Variants in TLR2 observed in about 807,000 individuals in gnomAD.
The protein encoded by TLR2 is toll-like receptor 2.
In TLR2, 7 loss-of-function variants were observed where a neutral mutation model predicts 9.1. That is an observed-to-expected ratio of 0.77 (90% CI 0.44 to 1.44). The LOEUF (loss-of-function observed/expected upper bound fraction) is 1.44, where lower values mean the gene tolerates loss of function less well. Ranked by LOEUF, TLR2 falls within the 40% of genes most tolerant of loss-of-function variation. The probability of loss-of-function intolerance (pLI) is 0.01; values close to 1 mark genes in which losing one functional copy is unlikely to be tolerated. For synonymous variants in TLR2, 317 were observed against 344.6 expected (o/e 0.92, Z 0.89); for missense variants, 812 against 904.6 (o/e 0.90, Z 1.31).
At chr4:153,702,760 C>CTT (rs1491160128) in intron 2 of TLR2, 132 bp from the exon 3 acceptor site, 2 of 392,530 alleles carry the variant, frequency 5.1e-6, no homozygotes, top group African/African-American at 2.7e-5. Flanking sequence ...CTCTCTCTCT[C>CTT]TTTGTGTGTG....
chr4:153,699,094 A>G (rs1736705850), intron 2 of TLR2, among the ~76,000 whole-genome samples: 1 of 152,204 alleles, frequency 6.6e-6, no homozygotes, highest in African/African-American at 2.4e-5. Context: ...GCCTCCATTG[A>G]TGATAATTAA....
chr4:153,703,361 C>G lies in TLR2; in HGVS notation c.454C>G (p.Gln152Glu). 6.2e-7 allele frequency: 1 copy of G among 1,613,962 alleles called. No homozygotes were observed. The highest frequency in any genetic ancestry group is 8.5e-7 in the Non-Finnish European group (1 of 1,180,002). Residue 152 changes from glutamine to glutamate, a missense_variant, in exon 3 of 3, where the codon CAA becomes GAA. Gln to Glu is a conservative substitution (Grantham distance 29). Transcript: ENST00000642700. ...TSLFSHLTKLQILRVGNMDTF... is the reference protein window; with the variant it reads ...TSLFSHLTKLEILRVGNMDTF... ...TCTTTTTTCTCATCTCACAAAATTG[C>G]AAATCCTGAGAGTGGGAAATATGGA...
At chr4:153,690,952 T>G (rs1736068844) in intron 2 of TLR2, among the ~76,000 whole-genome samples, 1 of 152,256 alleles carries the variant, frequency 6.6e-6, no homozygotes. Flanking sequence ...GTTGTTCATC[T>G]GTATGAAGTC....
chr4:153,688,688 C>T (rs564178290), intron 2 of TLR2: 1 of 158,642 alleles, frequency 6.3e-6, no homozygotes, highest in South Asian at 1.7e-4. Flanking sequence ...ATTGTTGTGG[C>T]TTAGGAACAC....
chr4:153,687,181 C>T (rs556649854), intron 1 of TLR2, among the ~76,000 whole-genome samples: 1 of 152,026 alleles, frequency 6.6e-6, no homozygotes. Flanking sequence ...TAAACTGTTG[C>T]TTAAAGGAAA....
At chr4:153,686,133 C>A (rs573720215) in intron 1 of TLR2, among the ~76,000 whole-genome samples, 41 of 152,274 alleles carry the variant, frequency 2.7e-4, no homozygotes, top group African/African-American at 8.2e-4. Context: ...CCTTCATAAC[C>A]TAATCACCTC....
rs1737143684 is a variant in TLR2, at chr4:153,704,142, TG to T, written c.1236del (p.Asn414ThrfsTer2). ...AAAACCGGAGAGACTTTGCTCACTC[TG>T]AAAAACTTGACTAACATTGATATCA... Reference protein sequence around the residue: ...LEKTGETLLTLKNLTNIDISK... With the variant: ...LEKTGETLLTXKNLTNIDISK... On this transcript the variant is annotated frameshift_variant, in exon 3 of 3. Transcript: ENST00000642700. LOFTEE classifies it low-confidence loss of function (END_TRUNC). 1 of 1,613,434 alleles carries T rather than the reference TG, an allele frequency of 6.2e-7. No individual in the cohort carries two copies. The highest frequency in any genetic ancestry group is 1.3e-5 in the African/African-American group (1 of 74,904).
chr4:153,690,892 G>C (rs1168313389), intron 2 of TLR2, among the ~76,000 whole-genome samples: 2 of 152,190 alleles, frequency 1.3e-5, no homozygotes, highest in Admixed American at 1.3e-4. Context: ...TGTAAAAAGG[G>C]TGCATTCTAC....
At position 153,705,243 on chromosome 4, in the gene TLR2, G is replaced by C; in HGVS notation, c.2336G>C (p.Arg779Thr). The C allele has an allele frequency of 1.3e-6, 2 of 1,589,484 alleles. No individual in the cohort carries two copies. The highest frequency in any genetic ancestry group is 2.2e-5 in the East Asian group (1 of 44,466). ...CGGGAAGGATTTTGGGTAAATCTGA[G>C]AGCTGCGATAAAGTCCTAGGTTCCC... ...AQREGFWVNL[R>T]AAIKS The change falls in exon 3 of 3, where the codon AGA (arginine) becomes ACA (threonine). Residue 779 changes from arginine (R) to threonine (T), a missense_variant. By Grantham distance (71) the Arg-to-Thr change is moderately conservative. Coordinates refer to ENST00000642700, the MANE Select transcript of TLR2 (RefSeq NM_001318789.2).
chr4:153,693,967 G>A (rs1376870736), intron 2 of TLR2, among the ~76,000 whole-genome samples: 1 of 152,172 alleles, frequency 6.6e-6, no homozygotes, highest in Non-Finnish European at 1.5e-5. Flanking sequence ...AGTGCTAGAG[G>A]AATTAAAGAC....
chr4:153,689,007 A>G (rs189146661), intron 2 of TLR2, among the ~76,000 whole-genome samples: 2 of 152,380 alleles, frequency 1.3e-5, no homozygotes, highest in Admixed American at 6.5e-5. Context: ...AAGCACAACC[A>G]TCATTGAAAT....
Position 153,705,012 on chromosome 4 carries a change from T to C in TLR2, c.2105T>C (p.Val702Ala), listed in dbSNP as rs1274175169. ...SIEKSHKTVF[V>A]LSENFVKSEW... ...GAAAAGAGCCACAAAACTGTCTTTG[T>C]GCTTTCTGAAAACTTTGTGAAGAGT... The change falls in exon 3 of 3, where the codon GTG (valine) becomes GCG (alanine). Residue 702 changes from valine (V) to alanine (A), a missense_variant. Val to Ala is a moderately conservative substitution (Grantham distance 64, BLOSUM62 0). Coordinates refer to ENST00000642700, the MANE Select transcript of TLR2 (RefSeq NM_001318789.2). The C allele has an allele frequency of 3.7e-6, 6 of 1,613,708 alleles. No individual in the cohort carries two copies. The African/African-American group carries it at 8.0e-5, about 22-fold the overall frequency.
intron 1 of TLR2, among the ~76,000 whole-genome samples, chr4:153,686,987 GTCT>G (rs573771272): frequency 2.1e-3 from 323 of 152,162 alleles, no homozygotes; most frequent in Middle Eastern, 6.8e-3. Context: ...TACAGAATAT[GTCT>G]TCTGACCATA....
chr4:153,686,173 G>C (rs755222099), intron 1 of TLR2, among the ~76,000 whole-genome samples: 19 of 152,240 alleles, frequency 1.2e-4, no homozygotes, highest in South Asian at 4.1e-4. Context: ...AGCTCGCAGT[G>C]AGCCGAGATC....
In TLR2 at chr4:153,705,249, C is replaced by T; in HGVS notation, c.2342C>T (p.Ala781Val). ...REGFWVNLRA[A>V]IKS Reference sequence around the variant, plus strand: ...GGATTTTGGGTAAATCTGAGAGCTGCGATAAAGTCCTAGGTTCCCATATTT... The same window carrying T: ...GGATTTTGGGTAAATCTGAGAGCTGTGATAAAGTCCTAGGTTCCCATATTT... Residue 781 changes from alanine to valine, a missense_variant, in exon 3 of 3, where the codon GCG becomes GTG. Physicochemically the swap from Ala to Val is moderately conservative, Grantham distance 64 (BLOSUM62 0). Coordinates refer to ENST00000642700, the MANE Select transcript of TLR2 (RefSeq NM_001318789.2). The T allele has an allele frequency of 1.9e-6, 3 of 1,583,326 alleles. No homozygotes were observed. The highest frequency in any genetic ancestry group is 1.7e-6 in the Non-Finnish European group (2 of 1,162,984).
At chr4:153,693,947 C>G (rs1736305951) in intron 2 of TLR2, among the ~76,000 whole-genome samples, 2 of 152,162 alleles carry the variant, frequency 1.3e-5, no homozygotes, top group South Asian at 4.1e-4. Flanking sequence ...CGTGGAGACC[C>G]TAACCCAGCA....
intron 2 of TLR2, chr4:153,702,542 C>T (rs1362573973): frequency 5.2e-6 from 1 of 194,120 alleles, no homozygotes; most frequent in East Asian, 1.2e-4. Context: ...TAAGCTTAGC[C>T]CATTTCTTAA....
chr4:153,697,634 A>T (rs1736594422), intron 2 of TLR2, among the ~76,000 whole-genome samples: 1 of 152,158 alleles, frequency 6.6e-6, no homozygotes, highest in Non-Finnish European at 1.5e-5. Flanking sequence ...ACGTTGAACA[A>T]ACTTTGGAAG....
At chr4:153,708,454 T>G (rs1008695532), downstream of TLR2, among the ~76,000 whole-genome samples, 5 of 152,246 alleles carry the variant, frequency 3.3e-5, no homozygotes, top group East Asian at 7.7e-4. Flanking sequence ...TAGTAAGTAT[T>G]GAATTATTGG....
Sources: allele counts gnomAD v4.1 joint callset (sites outside exome capture counted in the v4.1 genomes callset), GRCh38; gene constraint gnomAD v4.1.1; transcripts MANE v1.5; gene names NCBI Gene and HGNC (gene_info 2026-07-23, HGNC 2026-07-21).